Variants in KIFAP3 observed in about 807,000 individuals in gnomAD.
KIFAP3 encodes the protein kinesin-associated protein 3.
KIFAP3 carries 68 observed loss-of-function variants against 106.5 expected under a neutral mutation model. The ratio of observed to expected loss-of-function variants is 0.64; its 90% CI spans 0.53 to 0.78. KIFAP3 has a LOEUF of 0.78. Ranked by LOEUF, KIFAP3 falls within the 30% of genes least tolerant of loss-of-function variation. The probability of loss-of-function intolerance (pLI) is 0.00; values close to 1 mark genes in which losing one functional copy is unlikely to be tolerated. For missense variants in KIFAP3, 780 were observed against 941.8 expected (o/e 0.83, Z 2.25); for synonymous variants, 320 against 311.5 (o/e 1.03, Z -0.29).
At chr1:170,033,741 C>T (rs1221723489) in intron 7 of KIFAP3, among the ~76,000 whole-genome samples, 3 of 151,620 alleles carry the variant, frequency 2.0e-5, no homozygotes, top group Non-Finnish European at 4.4e-5. Flanking sequence ...GAATGCTAAA[C>T]CACAGAATGG....
At chr1:169,942,653 C>G (rs775071061) in intron 19 of KIFAP3, among the ~76,000 whole-genome samples, 1 of 152,130 alleles carries the variant, frequency 6.6e-6, no homozygotes, top group Non-Finnish European at 1.5e-5. Flanking sequence ...TGCAGATTTA[C>G]TGCAGTGAAA....
chr1:169,999,338 T>C (rs1318180319), intron 10 of KIFAP3, among the ~76,000 whole-genome samples: 1 of 152,266 alleles, frequency 6.6e-6, no homozygotes, highest in East Asian at 1.9e-4. Context: ...TTCCTCTACA[T>C]CCTACAAATG....
At chr1:169,995,345 G>A (rs575003308) in intron 10 of KIFAP3, among the ~76,000 whole-genome samples, 30 of 151,954 alleles carry the variant, frequency 2.0e-4, no homozygotes, top group South Asian at 4.2e-4. Context: ...CGGAAATTGA[G>A]ATATTTGAAA....
intron 9 of KIFAP3, among the ~76,000 whole-genome samples, chr1:170,017,240 A>G (rs546385734): frequency 8.2e-4 from 112 of 136,310 alleles, no homozygotes; most frequent in African/African-American, 3.0e-3. Context: ...CTGGTGGCAG[A>G]GAGAGAGACT....
intron 19 of KIFAP3, among the ~76,000 whole-genome samples, chr1:169,936,058 C>T (rs1241722969): frequency 6.6e-6 from 1 of 151,802 alleles, no homozygotes; most frequent in Admixed American, 6.6e-5. Flanking sequence ...TTTCAAATGA[C>T]CACTTTTTAA....
chr1:170,052,772 G>T (rs1275966574), intron 2 of KIFAP3, among the ~76,000 whole-genome samples: 1 of 152,116 alleles, frequency 6.6e-6, no homozygotes, highest in Non-Finnish European at 1.5e-5. Context: ...TGCAGAAAAG[G>T]CCTTCGAAAA....
chr1:169,972,184 C>T (rs1193204275), intron 17 of KIFAP3, among the ~76,000 whole-genome samples: 3 of 152,032 alleles, frequency 2.0e-5, no homozygotes, highest in East Asian at 3.9e-4. Flanking sequence ...GGCCAAACCA[C>T]AAAATTGATA....
chr1:169,961,004 C>G (rs1313905224), intron 18 of KIFAP3, 42 bp downstream of exon 18: 1 of 1,522,480 alleles, frequency 6.6e-7, no homozygotes, highest in Non-Finnish European at 9.0e-7. Flanking sequence ...AATCTCTATT[C>G]ATAGCATATA....
At chr1:169,980,291 A>T (rs1224121888) in intron 15 of KIFAP3, among the ~76,000 whole-genome samples, 1 of 152,186 alleles carries the variant, frequency 6.6e-6, no homozygotes, top group Non-Finnish European at 1.5e-5. Flanking sequence ...AAATGCACAT[A>T]TATTATGCCT....
At chr1:170,074,044 G>A (rs1201116871) in intron 1 of KIFAP3, among the ~76,000 whole-genome samples, 1 of 151,956 alleles carries the variant, frequency 6.6e-6, no homozygotes, top group Non-Finnish European at 1.5e-5. Context: ...ACTGAGGCCT[G>A]AGGGCGGATG....
upstream of KIFAP3, among the ~76,000 whole-genome samples, chr1:170,078,647 T>C (rs1671966506): frequency 6.6e-6 from 1 of 152,152 alleles, no homozygotes; most frequent in African/African-American, 2.4e-5. Context: ...CTTTATCTCT[T>C]AAAGACATTG....
intron 19 of KIFAP3, among the ~76,000 whole-genome samples, chr1:169,953,523 AT>A (rs201230876): frequency 6.7e-6 from 1 of 149,090 alleles, no homozygotes; most frequent in African/African-American, 2.5e-5. Flanking sequence ...TGTGATCCCC[AT>A]TTTTTTTTTG....
intron 9 of KIFAP3, among the ~76,000 whole-genome samples, chr1:170,023,587 T>A (rs958172270): frequency 8.5e-5 from 13 of 152,118 alleles, no homozygotes; most frequent in African/African-American, 2.4e-4. Flanking sequence ...AAGAATTATT[T>A]GTAATAGATA....
chr1:169,921,383 T>C lies in KIFAP3; in HGVS notation c.*293A>G, dbSNP rs964801815. ...AATTAAATTAGTCACTTAACATACA[T>C]AATGCAGTGTTTGTTTTCCAGTCTA... is the stretch of plus-strand genomic sequence containing the variant. On this transcript the variant is annotated 3_prime_UTR_variant, in exon 20 of 20. Coordinates refer to ENST00000361580, the MANE Select transcript of KIFAP3 (RefSeq NM_014970.4). The C allele has an allele frequency of 5.7e-5, 13 of 228,742 alleles. No homozygotes were observed. The highest frequency in any genetic ancestry group is 1.1e-4 in the Non-Finnish European group (13 of 116,230). The allele number at this position is 228,742 out of a possible 1,614,324, so 14.2% of individuals were successfully genotyped here. A position where few individuals can be genotyped will look rare whatever the true frequency, so the allele number is the denominator to read the frequency against.
At chr1:170,041,782 C>T in intron 3 of KIFAP3, 12 of 1,530,044 alleles carry the variant, frequency 7.8e-6, no homozygotes, top group Non-Finnish European at 1.0e-5. Context: ...TTCTCCTGAT[C>T]TGTTGGCCTC....
chr1:169,992,281 A>T (rs913783330), intron 10 of KIFAP3, 26 bp from the exon 11 acceptor site: 3 of 1,251,642 alleles, frequency 2.4e-6, no homozygotes, highest in Non-Finnish European at 3.4e-6. Flanking sequence ...CATGGTGATG[A>T]TGCTATAAAT....
intron 1 of KIFAP3, among the ~76,000 whole-genome samples, chr1:170,073,629 G>A (rs1297621116): frequency 1.3e-5 from 2 of 152,108 alleles, no homozygotes; most frequent in African/African-American, 4.8e-5. Context: ...GACTTTTCCA[G>A]GGTATTTACT....
intron 19 of KIFAP3, among the ~76,000 whole-genome samples, chr1:169,952,792 G>A (rs149146609): frequency 8.4e-4 from 127 of 152,026 alleles, no homozygotes; most frequent in African/African-American, 2.8e-3. Flanking sequence ...AAATATATAC[G>A]ATGAATATTT....
chr1:169,930,701 T>A (rs1663414494), intron 19 of KIFAP3, among the ~76,000 whole-genome samples: 1 of 152,226 alleles, frequency 6.6e-6, no homozygotes. Flanking sequence ...TTCAGTTCCA[T>A]CTTCCTTTAC....
Sources: gnomAD v4.1 joint callset for allele counts (sites outside exome capture counted in the v4.1 genomes callset) on GRCh38, gnomAD v4.1.1 for gene constraint, MANE v1.5 for transcripts, NCBI Gene and HGNC (gene_info 2026-07-23, HGNC 2026-07-21) for gene names.